DPP10: variants seen among roughly 807,000 people sequenced by gnomAD.
DPP10 encodes dipeptidyl peptidase like 10, also known as inactive dipeptidyl peptidase 10.
In DPP10, 33 loss-of-function variants were observed where a neutral mutation model predicts 120.9. That is an observed-to-expected ratio of 0.27 (90% CI 0.21 to 0.37). The LOEUF (loss-of-function observed/expected upper bound fraction) is 0.37. Among genes scored for constraint, DPP10 ranks in the 10% least tolerant of loss-of-function variants. The pLI is 1.00. For synonymous variants in DPP10, 337 were observed against 326.1 expected (o/e 1.03, Z -0.36); for missense variants, 816 against 942.8 (o/e 0.87, Z 1.76).
At chr2:115,301,072 CTCCCAATT>C in intron 1 of DPP10, among the ~76,000 whole-genome samples, 1 of 152,106 alleles carries the variant, frequency 6.6e-6, no homozygotes, top group South Asian at 2.1e-4. Context: ...GTGGTGTTCT[CTCCCAATT>C]TCCCCATAGA....
chr2:115,098,040 G>A (rs754417856), intron 1 of DPP10, among the ~76,000 whole-genome samples: 1 of 152,176 alleles, frequency 6.6e-6, no homozygotes, highest in Non-Finnish European at 1.5e-5. Flanking sequence ...TTTTCACCAG[G>A]AGCTCTGGTG....
At chr2:115,250,888 A>G (rs760759031) in intron 1 of DPP10, among the ~76,000 whole-genome samples, 3 of 152,200 alleles carry the variant, frequency 2.0e-5, no homozygotes, top group Non-Finnish European at 4.4e-5. Context: ...ACAACAGCAT[A>G]TATGTCCACA....
intron 1 of DPP10, among the ~76,000 whole-genome samples, chr2:114,650,768 A>G (rs1696523223): frequency 6.6e-6 from 1 of 152,124 alleles, no homozygotes; most frequent in Admixed American, 6.6e-5. Context: ...CCTTCTCATC[A>G]TCCTAGCAGA....
At chr2:115,279,309 A>G (rs1257778605) in intron 1 of DPP10, among the ~76,000 whole-genome samples, 1 of 152,150 alleles carries the variant, frequency 6.6e-6, no homozygotes, top group African/African-American at 2.4e-5. Flanking sequence ...AATTTTAGAA[A>G]ACAACATTTT....
chr2:114,755,951 T>TAA (rs57668109), intron 1 of DPP10, among the ~76,000 whole-genome samples: 4,685 of 129,700 alleles, frequency 0.036, 121 homozygotes, highest in Middle Eastern at 0.056. Context: ...AGGAAGAAAT[T>TAA]AAAAAAAAAA....
intron 7 of DPP10, among the ~76,000 whole-genome samples, chr2:115,697,335 A>G (rs920316072): frequency 6.6e-6 from 1 of 152,010 alleles, no homozygotes; most frequent in South Asian, 2.1e-4. Context: ...CTCTATAAGA[A>G]ACTCACTGTA....
chr2:115,381,984 C>T (rs1315787827), intron 3 of DPP10, among the ~76,000 whole-genome samples: 1 of 152,156 alleles, frequency 6.6e-6, no homozygotes. Context: ...TTTACGTCTG[C>T]AGAGGTTACT....
chr2:115,660,001 T>A (rs1292466486), intron 5 of DPP10, among the ~76,000 whole-genome samples: 2 of 152,152 alleles, frequency 1.3e-5, no homozygotes, highest in African/African-American at 4.8e-5. Flanking sequence ...ATCCATGGCA[T>A]AGGGGTAAAT....
At chr2:114,799,205 A>G (rs760713419) in intron 1 of DPP10, among the ~76,000 whole-genome samples, 1 of 152,204 alleles carries the variant, frequency 6.6e-6, no homozygotes. Flanking sequence ...GTTGCAGTTC[A>G]TTTGAGGATT....
chr2:115,689,068 G>T (rs976221140), intron 5 of DPP10, among the ~76,000 whole-genome samples: 4 of 152,152 alleles, frequency 2.6e-5, no homozygotes, highest in Admixed American at 6.5e-5. Context: ...ATTCTAGTAG[G>T]AAAAGGAGAC....
At chr2:115,161,996 G>A (rs2052410808) in intron 1 of DPP10, 1 of 1,383,758 alleles carries the variant, frequency 7.2e-7, no homozygotes, top group Non-Finnish European at 9.3e-7. Flanking sequence ...CACCCCGGGG[G>A]CCAGGGCGAG....
chr2:115,123,475 G>A (rs2049924128), intron 1 of DPP10, among the ~76,000 whole-genome samples: 1 of 152,128 alleles, frequency 6.6e-6, no homozygotes, highest in Non-Finnish European at 1.5e-5. Flanking sequence ...GCTCATTTGA[G>A]GCATTTTTCC....
intron 3 of DPP10, among the ~76,000 whole-genome samples, chr2:115,378,846 G>T (rs563485240): frequency 2.8e-4 from 42 of 152,156 alleles, no homozygotes; most frequent in African/African-American, 9.4e-4. Flanking sequence ...TTATATGCTG[G>T]ATTACTTTTA....
At chr2:114,969,138 A>ACC (rs1699229545) in intron 1 of DPP10, among the ~76,000 whole-genome samples, 1 of 152,152 alleles carries the variant, frequency 6.6e-6, no homozygotes, top group Admixed American at 6.5e-5. Flanking sequence ...GATAGGTAAA[A>ACC]CCCCAAAAAT....
At chr2:115,629,015 A>T (rs7424778) in intron 5 of DPP10, among the ~76,000 whole-genome samples, 127,739 of 151,912 alleles carry the variant, frequency 0.84, 55,041 homozygotes, top group East Asian at 0.97. Context: ...CCACCCTGTG[A>T]CCCAGTGTTC....
In DPP10 at chr2:115,815,139, G is replaced by A; in HGVS notation, c.1895+152G>A. The A allele has an allele frequency of 4.7e-6, 3 of 642,402 alleles. No homozygotes were observed. The South Asian group carries it at 1.4e-4, about 30-fold the overall frequency. 39.8% of individuals were successfully genotyped at this position (642,402 alleles called of 1,614,324 possible). On this transcript the variant is annotated intron_variant, in intron 20 of 25. Transcript: ENST00000410059. ...ATAAAGCCTATTTCATTTTTTTTTT[G>A]AAGTACCTGTCACCCTTAGTGCTAT...
intron 1 of DPP10, among the ~76,000 whole-genome samples, chr2:115,179,880 C>A (rs973801586): frequency 6.6e-5 from 10 of 152,060 alleles, no homozygotes; most frequent in African/African-American, 1.9e-4. Flanking sequence ...GAAACCGTTT[C>A]ACAGAAGGAA....
At chr2:115,368,467 T>A (rs941458770) in intron 3 of DPP10, among the ~76,000 whole-genome samples, 1 of 152,126 alleles carries the variant, frequency 6.6e-6, no homozygotes, top group Admixed American at 6.6e-5. Flanking sequence ...TTTAATGTAT[T>A]TTAAAGTAGT....
At chr2:115,138,574 A>G (rs551148660) in intron 1 of DPP10, among the ~76,000 whole-genome samples, 40 of 152,340 alleles carry the variant, frequency 2.6e-4, no homozygotes, top group Non-Finnish European at 4.9e-4. Flanking sequence ...CAAGACAAAC[A>G]TGGATATAAT....
Sources: gnomAD v4.1 joint callset for allele counts (sites outside exome capture counted in the v4.1 genomes callset) on GRCh38, gnomAD v4.1.1 for gene constraint, MANE v1.5 for transcripts, NCBI Gene and HGNC (gene_info 2026-07-23, HGNC 2026-07-21) for gene names.